ANKH: variants seen among roughly 807,000 people sequenced by gnomAD.
ANKH encodes mineralization regulator ANKH.
A neutral mutation model predicts 49.0 loss-of-function variants in ANKH; 15 were observed. That is an observed-to-expected ratio of 0.31 (90% CI 0.20 to 0.47). ANKH has a LOEUF of 0.47. ANKH is among the 20% of genes least tolerant of loss of function. The pLI is 1.00. For missense variants in ANKH, 429 were observed against 652.0 expected, an observed-to-expected ratio of 0.66 and a Z score of 3.72; for synonymous variants, 273 against 260.0, an observed-to-expected ratio of 1.05 and a Z score of -0.48.
At chr5:14,802,755 C>G (rs1740601281) in intron 1 of ANKH, among the ~76,000 whole-genome samples, 1 of 152,102 alleles carries the variant, frequency 6.6e-6, no homozygotes, top group African/African-American at 2.4e-5. Context: ...TCCCTCGTCT[C>G]AATGTCAGCT....
intron 1 of ANKH, among the ~76,000 whole-genome samples, chr5:14,842,123 A>T (rs191540888): frequency 1.2e-4 from 19 of 152,340 alleles, no homozygotes; most frequent in African/African-American, 4.3e-4. Flanking sequence ...GATATATAGG[A>T]GGCTATTTCC....
chr5:14,847,699 T>C (rs1447261214), intron 1 of ANKH, among the ~76,000 whole-genome samples: 1 of 152,208 alleles, frequency 6.6e-6, no homozygotes, highest in Non-Finnish European at 1.5e-5. Context: ...TGCCTATAGA[T>C]ATGGACCCAG....
chr5:14,758,417 A>G, intron 3 of ANKH, 63 bp downstream of exon 3: 3 of 1,242,106 alleles, frequency 2.4e-6, no homozygotes, highest in Non-Finnish European at 3.5e-6. Flanking sequence ...TAGATTTTAT[A>G]TTATGTATAT....
rs531751263 is a variant in ANKH at position 14,758,162 on chromosome 5, C to T, written c.432+318G>A. Among the ~76,000 whole-genome samples, 53 of 152,326 alleles carry T rather than the reference C, an allele frequency of 3.5e-4. 1 individual carries two copies. Among genetic ancestry groups the T allele is most frequent in the African/African-American group, 1.2e-3 (50 of 41,582 alleles). On this transcript the variant is annotated intron_variant, in intron 3 of 11. Coordinates refer to ENST00000284268, the MANE Select transcript of ANKH (RefSeq NM_054027.6). ...CTCTGAAGACACGCTCAGTGAAATA[C>T]GCCAATTACAAAAGTACAAACGCTG...
chr5:14,856,482 G>A (rs997390169), intron 1 of ANKH, among the ~76,000 whole-genome samples: 1 of 151,876 alleles, frequency 6.6e-6, no homozygotes, highest in African/African-American at 2.4e-5. Flanking sequence ...GAGCCAGTGG[G>A]TGCAGAGGTC....
At chr5:14,736,006 C>CTTATT (rs1404880920) in intron 8 of ANKH, among the ~76,000 whole-genome samples, 18 of 83,670 alleles carry the variant, frequency 2.2e-4, no homozygotes, top group African/African-American at 9.9e-4. Flanking sequence ...AAAAACCTAA[C>CTTATT]TTTTTTTTTT....
intron 1 of ANKH, among the ~76,000 whole-genome samples, chr5:14,790,794 G>A (rs1183352195): frequency 2.0e-5 from 3 of 152,132 alleles, no homozygotes; most frequent in African/African-American, 4.8e-5. Context: ...ATTTTTAGTA[G>A]AGACAGGGTT....
At chr5:14,841,866 A>G (rs1398382255) in intron 1 of ANKH, among the ~76,000 whole-genome samples, 2 of 152,264 alleles carry the variant, frequency 1.3e-5, no homozygotes, top group East Asian at 3.9e-4. Flanking sequence ...TATTTCACCT[A>G]TGGTAGTCTT....
intron 3 of ANKH, among the ~76,000 whole-genome samples, chr5:14,756,575 G>C (rs964727360): frequency 6.6e-6 from 1 of 152,212 alleles, no homozygotes; most frequent in South Asian, 2.1e-4. Context: ...GACTGACACA[G>C]AAATGACACT....
intron 8 of ANKH, 181 bp from the exon 9 acceptor site, chr5:14,717,016 G>A: frequency 1.4e-6 from 1 of 706,764 alleles, no homozygotes; most frequent in East Asian, 3.1e-5. Flanking sequence ...GACCACAGAG[G>A]CCCTGGTCCA....
rs573587269 is a variant in ANKH at position 14,713,850 on chromosome 5, C to T, written c.1142-183G>A. ...CCATCCCTGCTCCTGAGCCTAGGCC[C>T]GCCTCGGCTCCCCGCCTCCTCACAG... On this transcript the variant is annotated intron_variant, in intron 9 of 11. Transcript: ENST00000284268. The surrounding 1 kb of genome is among the most constrained non-coding windows in gnomAD (Gnocchi z 4.4). Among the ~76,000 whole-genome samples, 6 of 152,334 alleles carry T rather than the reference C, an allele frequency of 3.9e-5. No individual in the cohort carries two copies. The highest frequency in any genetic ancestry group is 2.1e-4 in the South Asian group (1 of 4,830).
At chr5:14,743,638 C>T (rs894431566) in intron 7 of ANKH, among the ~76,000 whole-genome samples, 8 of 152,234 alleles carry the variant, frequency 5.3e-5, no homozygotes, top group Admixed American at 5.2e-4. Flanking sequence ...AGGATTTCAA[C>T]TGTCAATGCA....
rs966145613 is a variant in ANKH, at chr5:14,729,914, T to G, written c.1011+11913A>C. On this transcript the variant is annotated intron_variant, in intron 8 of 11. Transcript: ENST00000284268. ...TCTTTCCCTCCTGAGTTGCTCTCTCTGCGGCCTGAAGTTCTGAAGCTTTAG... is the reference window on the plus strand; with the variant it reads ...TCTTTCCCTCCTGAGTTGCTCTCTCGGCGGCCTGAAGTTCTGAAGCTTTAG... Among the ~76,000 whole-genome samples the G allele has an allele frequency of 1.2e-4, 18 of 152,346 alleles. 1 individual carries two copies. The highest frequency in any genetic ancestry group is 7.2e-4 in the Admixed American group (11 of 15,304).
intron 1 of ANKH, among the ~76,000 whole-genome samples, chr5:14,816,738 A>G (rs1741051112): frequency 1.3e-5 from 2 of 152,200 alleles, no homozygotes; most frequent in African/African-American, 4.8e-5. Flanking sequence ...GTCTGGCACC[A>G]AGAAAAGCTT....
chr5:14,843,562 A>C (rs1741874157), intron 1 of ANKH, among the ~76,000 whole-genome samples: 1 of 151,326 alleles, frequency 6.6e-6, no homozygotes, highest in African/African-American at 2.4e-5. Flanking sequence ...AAAAAAAAAA[A>C]AAAAAAAGAG....
At chr5:14,771,937 A>AAAAAAAAAAAAC (rs1561048114) in intron 1 of ANKH, among the ~76,000 whole-genome samples, 41 of 140,384 alleles carry the variant, frequency 2.9e-4, no homozygotes, top group African/African-American at 3.2e-4. Context: ...AAAAAAAAAA[A>AAAAAAAAAAAAC]AAAAAAAAAA....
At chr5:14,821,002 G>C (rs1402898370) in intron 1 of ANKH, among the ~76,000 whole-genome samples, 2 of 151,998 alleles carry the variant, frequency 1.3e-5, no homozygotes, top group Admixed American at 1.3e-4. Flanking sequence ...AGGGGCTCAG[G>C]TGGGAGGATT....
chr5:14,715,064 C>T (rs527432150), intron 9 of ANKH, among the ~76,000 whole-genome samples: 15 of 152,228 alleles, frequency 9.9e-5, no homozygotes, highest in Admixed American at 3.3e-4. Flanking sequence ...CAGAAAGTGA[C>T]GCCGCAAGGC....
At chr5:14,751,331 C>T in intron 4 of ANKH, 92 bp from the exon 5 acceptor site, 2 of 1,322,756 alleles carry the variant, frequency 1.5e-6, no homozygotes, top group East Asian at 2.4e-5. Context: ...CTGAGACAGA[C>T]CTCTGAGCAA....
Sources: allele counts gnomAD v4.1 joint callset (sites outside exome capture counted in the v4.1 genomes callset), GRCh38; gene constraint gnomAD v4.1.1; non-coding constraint Gnocchi (gnomAD v3.1); transcripts MANE v1.5; gene names NCBI Gene and HGNC (gene_info 2026-07-23, HGNC 2026-07-21).